Variants in AAMDC observed in about 807,000 individuals in gnomAD.
AAMDC encodes the protein mth938 domain-containing protein.
A neutral mutation model predicts 15.5 loss-of-function variants in AAMDC; 16 were observed. The ratio of observed to expected loss-of-function variants is 1.03; its 90% confidence interval spans 0.70 to 1.57. AAMDC has a LOEUF of 1.57. AAMDC is among the 40% of genes most tolerant of loss of function. The pLI is 0.00. For missense variants in AAMDC, 141 were observed against 144.9 expected, an observed-to-expected ratio of 0.97 and a Z score of 0.14; for synonymous variants, 51 against 51.6, an observed-to-expected ratio of 0.99 and a Z score of 0.05.
At chr11:77,884,731 C>T (rs748347611) in intron 5 of AAMDC, 73 of 337,972 alleles carry the variant, frequency 2.2e-4, no homozygotes, top group Non-Finnish European at 4.1e-4. Flanking sequence ...GTCATGGGGC[C>T]TCCCCCTGAT....
Position 77,857,947 on chromosome 11 carries a change from G to A in AAMDC, c.133-11775G>A, listed in dbSNP as rs1466035953. 2.0e-5 allele frequency among the ~76,000 whole-genome samples: 3 copies of A among 152,028 alleles called. No homozygotes were observed. In the East Asian group the frequency reaches 5.8e-4, roughly 29 times the overall value. On this transcript the variant is annotated intron_variant, in intron 2 of 3. Transcript: ENST00000393427. Reference sequence around the variant, plus strand: ...CCTGACCTTGTGATCTGCCCACATTGGCCCCCAAAGTGCTGGGATTACAGG... The same window carrying A: ...CCTGACCTTGTGATCTGCCCACATTAGCCCCCAAAGTGCTGGGATTACAGG...
At chr11:77,891,593 C>A in intron 5 of AAMDC, 2 of 1,576,974 alleles carry the variant, frequency 1.3e-6, no homozygotes, top group Non-Finnish European at 1.7e-6. Flanking sequence ...CCTAGCCCAG[C>A]TGCTCCACTG....
chr11:77,868,057 C>G (rs2136292146), intron 2 of AAMDC, among the ~76,000 whole-genome samples: 1 of 125,134 alleles, frequency 8.0e-6, no homozygotes, highest in East Asian at 2.1e-4. Context: ...TTCCTCTGAG[C>G]CTTTTTTTTT....
At chr11:77,830,988 A>C (rs1200498423) in intron 1 of AAMDC, among the ~76,000 whole-genome samples, 1 of 23,950 alleles carries the variant, frequency 4.2e-5, no homozygotes, top group Non-Finnish European at 6.7e-5. Context: ...AAAATATACC[A>C]AAAAAAAAAA....
At chr11:77,838,690 C>T (rs1163939076) in intron 1 of AAMDC, among the ~76,000 whole-genome samples, 2 of 147,520 alleles carry the variant, frequency 1.4e-5, no homozygotes, top group African/African-American at 5.0e-5. Context: ...TATCTGGGCT[C>T]ACTGTAAGCT....
intron 5 of AAMDC, among the ~76,000 whole-genome samples, chr11:77,880,416 G>C (rs907372266): frequency 6.6e-6 from 1 of 152,196 alleles, no homozygotes; most frequent in Admixed American, 6.5e-5. Flanking sequence ...TCTAAGTGCA[G>C]CCTCATCATC....
chr11:77,892,602 A>T (rs1472856132), intron 5 of AAMDC, among the ~76,000 whole-genome samples: 2 of 152,240 alleles, frequency 1.3e-5, no homozygotes, highest in African/African-American at 4.8e-5. Flanking sequence ...TTTCTTTTTG[A>T]GAAGGAGTCT....
intron 1 of AAMDC, among the ~76,000 whole-genome samples, chr11:77,834,452 T>G (rs1224813932): frequency 9.4e-5 from 14 of 149,102 alleles, no homozygotes; most frequent in South Asian, 2.1e-4. Context: ...TTTTTTTTTT[T>G]TTTTTTTTTT....
At chr11:77,828,887 A>T (rs534019596) in intron 1 of AAMDC, among the ~76,000 whole-genome samples, 1 of 152,288 alleles carries the variant, frequency 6.6e-6, no homozygotes, top group East Asian at 1.9e-4. Flanking sequence ...TAATACTAAT[A>T]TGGAAATTCA....
At chr11:77,853,471 C>T (rs904153875) in intron 2 of AAMDC, among the ~76,000 whole-genome samples, 2 of 152,014 alleles carry the variant, frequency 1.3e-5, no homozygotes, top group African/African-American at 4.8e-5. Flanking sequence ...TGAGAATTCA[C>T]TCACTATCAC....
chr11:77,855,653 C>T (rs1950586551), intron 2 of AAMDC, among the ~76,000 whole-genome samples: 1 of 151,154 alleles, frequency 6.6e-6, no homozygotes, highest in Non-Finnish European at 1.5e-5. Flanking sequence ...TGCCACATGA[C>T]CAGGCTGCAA....
chr11:77,892,203 T>C (rs1952303906), intron 5 of AAMDC, among the ~76,000 whole-genome samples: 1 of 152,226 alleles, frequency 6.6e-6, no homozygotes, highest in South Asian at 2.1e-4. Context: ...TATTTTAGGT[T>C]CTGGAAACAC....
intron 5 of AAMDC, chr11:77,879,065 AT>A: frequency 6.2e-7 from 1 of 1,614,198 alleles, no homozygotes; most frequent in Non-Finnish European, 8.5e-7. Context: ...ATCCAGGGGC[AT>A]TTTGGAATGC....
At chr11:77,883,690 TGC>T in intron 5 of AAMDC, 9 of 840,342 alleles carry the variant, frequency 1.1e-5, no homozygotes, top group Non-Finnish European at 1.4e-5. Flanking sequence ...ACTTAATGAG[TGC>T]TTATAAACTC....
At chr11:77,830,535 G>C (rs1949373748) in intron 1 of AAMDC, among the ~76,000 whole-genome samples, 1 of 138,494 alleles carries the variant, frequency 7.2e-6, no homozygotes, top group South Asian at 2.2e-4. Flanking sequence ...ATGGAGGGCT[G>C]TGTAAAGCTC....
At chr11:77,899,818 T>C (rs1008369665) in intron 5 of AAMDC, among the ~76,000 whole-genome samples, 81 of 152,198 alleles carry the variant, frequency 5.3e-4, no homozygotes, top group Middle Eastern at 3.4e-3. Flanking sequence ...TATGGTATGA[T>C]CCCCTTTATG....
At chr11:77,854,312 A>G (rs1286044016) in intron 2 of AAMDC, among the ~76,000 whole-genome samples, 1 of 152,080 alleles carries the variant, frequency 6.6e-6, no homozygotes, top group Admixed American at 6.5e-5. Context: ...TTCTTAACAC[A>G]TTCCAGCATT....
chr11:77,840,809 G>A (rs891037511), intron 1 of AAMDC, among the ~76,000 whole-genome samples: 1 of 152,040 alleles, frequency 6.6e-6, no homozygotes, highest in African/African-American at 2.4e-5. Context: ...ATAACATATT[G>A]TAGGACAGTG....
intron 5 of AAMDC, chr11:77,883,832 C>T: frequency 1.2e-6 from 2 of 1,612,968 alleles, no homozygotes; most frequent in South Asian, 1.1e-5. Flanking sequence ...GACTCCTTAC[C>T]TGTCCAAGCG....
Sources: gnomAD v4.1 joint callset for allele counts (sites outside exome capture counted in the v4.1 genomes callset) on GRCh38, gnomAD v4.1.1 for gene constraint, MANE v1.5 for transcripts, NCBI Gene and HGNC (gene_info 2026-07-23, HGNC 2026-07-21) for gene names.